The following STAG3 variants were observed in gnomAD, a reference collection of about 807,000 sequenced individuals.
The protein encoded by STAG3 is STAG3 cohesin complex component, also known as cohesin subunit SA-3.
STAG3 carries 101 observed loss-of-function variants against 160.7 expected under a neutral mutation model. The ratio of observed to expected loss-of-function variants is 0.63; its 90% CI spans 0.54 to 0.74. The LOEUF (loss-of-function observed/expected upper bound fraction) is 0.74, where lower values mean the gene tolerates loss of function less well. Among genes scored for constraint, STAG3 ranks in the 30% least tolerant of loss-of-function variants. The pLI, the probability that STAG3 is intolerant of heterozygous loss-of-function variation, is 0.00. For synonymous variants in STAG3, 519 were observed against 585.0 expected, an observed-to-expected ratio of 0.89 and a Z score of 1.63; for missense variants, 1,188 against 1,517.4, an observed-to-expected ratio of 0.78 and a Z score of 3.61.
At position 100,211,865 on chromosome 7, in the gene STAG3, G is replaced by A; in HGVS notation, c.3589G>A (p.Asp1197Asn). 6.2e-7 allele frequency: 1 copy of A among 1,614,064 alleles called. No individual in the cohort carries two copies. The highest frequency in any genetic ancestry group is 8.5e-7 in the Non-Finnish European group (1 of 1,180,012). The change falls in exon 32 of 34, where the codon GAT becomes AAT. Residue 1197 changes from aspartate to asparagine, a missense_variant. Coordinates refer to ENST00000615138, the MANE Select transcript of STAG3 (RefSeq NM_001282717.2). ...IQDESNEERQ[D>N]TDMQASSYSS... Reference sequence around the variant, plus strand: ...GGATGAGTCAAATGAAGAACGGCAGGATACAGACATGGTGAGTAGACCACC... The same window carrying A: ...GGATGAGTCAAATGAAGAACGGCAGAATACAGACATGGTGAGTAGACCACC...
intron 29 of STAG3, among the ~76,000 whole-genome samples, chr7:100,210,180 C>T (rs919424488): frequency 6.6e-6 from 1 of 152,180 alleles, no homozygotes; most frequent in African/African-American, 2.4e-5. Context: ...AAGGTTTCCT[C>T]TCTGGGAATC....
chr7:100,198,694 C>G, intron 13 of STAG3, 112 bp downstream of exon 13: 1 of 1,243,500 alleles, frequency 8.0e-7, no homozygotes, highest in Non-Finnish European at 1.2e-6. Flanking sequence ...TCCCTGGTGT[C>G]TCCTTTCTTC....
chr7:100,201,987 C>T lies in STAG3; in HGVS notation c.2340C>T (p.Phe780=). ...LSSLRDRMVA[F]CELCQSCLSD... ...GTTTGAGGGACAGAATGGTGGCCTTCTGTGAACTCTGCCAGAGTTGCCTCT... is the reference window on the plus strand; with the variant it reads ...GTTTGAGGGACAGAATGGTGGCCTTTTGTGAACTCTGCCAGAGTTGCCTCT... The change falls in exon 23 of 34, where the codon TTC becomes TTT. Residue 780 remains phenylalanine, a synonymous_variant. Transcript: ENST00000615138. 1 of 1,614,170 alleles carries T rather than the reference C, an allele frequency of 6.2e-7. No homozygotes were observed. The highest frequency in any genetic ancestry group is 1.7e-5 in the Admixed American group (1 of 60,014).
In STAG3 at chr7:100,211,020, A is replaced by G. The variant is rs774574747; in HGVS notation, c.3248A>G (p.Lys1083Arg). 1 of 1,613,318 alleles carries G rather than the reference A, an allele frequency of 6.2e-7. No individual in the cohort carries two copies. Among genetic ancestry groups the G allele is most frequent in the South Asian group, 1.1e-5 (1 of 90,990 alleles). The change falls in exon 30 of 34, where the codon AAG (lysine) becomes AGG (arginine). Residue 1083 changes from lysine (K) to arginine (R), a missense_variant. Coordinates refer to ENST00000615138, the MANE Select transcript of STAG3 (RefSeq NM_001282717.2). ...TGCATCTGCTTGGCAGGGCCTGCCA[A>G]GCCTAACAGAGAGGACGTCTCCTCG... ...SKRRRVEGPA[K>R]PNREDVSSSQ...
chr7:100,214,717 G>A (rs561894846), downstream of STAG3, among the ~76,000 whole-genome samples: 8 of 152,196 alleles, frequency 5.3e-5, no homozygotes, highest in East Asian at 3.9e-4. Context: ...CTTCACCCAC[G>A]GGTTCTTTCC....
intron 9 of STAG3, among the ~76,000 whole-genome samples, chr7:100,195,650 C>A (rs1800639101): frequency 6.6e-6 from 1 of 152,220 alleles, no homozygotes; most frequent in Non-Finnish European, 1.5e-5. Context: ...TGCCCCAGAT[C>A]TGCCCCAACT....
At chr7:100,196,273 T>A (rs1393185530) in intron 9 of STAG3, among the ~76,000 whole-genome samples, 1 of 152,036 alleles carries the variant, frequency 6.6e-6, no homozygotes, top group Admixed American at 6.6e-5. Context: ...TGGCCAACAG[T>A]TGAATTAACT....
rs572760400 is a variant in STAG3, at chr7:100,201,091, C to T, written c.2063C>T (p.Ser688Leu). The part of the protein sequence containing the change: ...FQQELEELLQ[S>L]SFLDEDEVYN... ...TTGTGGATCTTCTTTCCTTCTCAGT[C>T]GTCCTTCCTAGATGAGGATGAGGTA... The change falls in exon 20 of 34, where the codon TCG (serine) becomes TTG (leucine). Residue 688 changes from serine (S) to leucine (L), a missense_variant and splice_region_variant. This residue lies in a region of STAG3 where 647 missense variants were observed against 717.2 expected (regional missense o/e 0.90). Transcript: ENST00000615138. 14 of 1,614,126 alleles carry T rather than the reference C, an allele frequency of 8.7e-6. No homozygotes were observed. Among genetic ancestry groups the T allele is most frequent in the East Asian group, 4.5e-5 (2 of 44,890 alleles).
chr7:100,188,713 A>G, intron 6 of STAG3, 99 bp from the exon 7 acceptor site: 2 of 1,283,006 alleles, frequency 1.6e-6, no homozygotes, highest in Non-Finnish European at 2.2e-6. Flanking sequence ...GAGGTATAAC[A>G]GATATTTTTA....
At chr7:100,209,727 C>T (rs1252242818) in intron 29 of STAG3, among the ~76,000 whole-genome samples, 5 of 152,132 alleles carry the variant, frequency 3.3e-5, no homozygotes, top group African/African-American at 7.2e-5. Context: ...TGCCGAGAAA[C>T]GGCCAGATTC....
intron 25 of STAG3, 67 bp downstream of exon 25, chr7:100,202,657 A>AT: frequency 6.4e-7 from 1 of 1,563,614 alleles, no homozygotes; most frequent in Non-Finnish European, 8.7e-7. Context: ...ACTTGGAAAC[A>AT]TAATAGCACT....
At chr7:100,200,621 A>G (rs953835742) in intron 18 of STAG3, 79 bp downstream of exon 18, 9 of 1,556,194 alleles carry the variant, frequency 5.8e-6, no homozygotes, top group Non-Finnish European at 6.1e-6. Context: ...TTTTTTTCCT[A>G]AGAACTTGGG....
intron 24 of STAG3, 30 bp from the exon 25 acceptor site, chr7:100,202,424 T>C: frequency 6.2e-7 from 1 of 1,610,848 alleles, no homozygotes; most frequent in Non-Finnish European, 8.5e-7. Context: ...CTTAAGTCTG[T>C]GATTCCCTTT....
intron 25 of STAG3, 22 bp downstream of exon 25, chr7:100,202,612 A>G (rs1412375782): frequency 1.2e-6 from 2 of 1,604,242 alleles, no homozygotes; most frequent in East Asian, 2.2e-5. Context: ...CCCTACAGAA[A>G]TAAAAGAGAA....
intron 10 of STAG3, 185 bp downstream of exon 10, chr7:100,197,464 C>T: frequency 1.2e-6 from 1 of 851,506 alleles, no homozygotes; most frequent in Non-Finnish European, 1.9e-6. Flanking sequence ...GAGAGACATA[C>T]CCAGGAGATG....
downstream of STAG3, among the ~76,000 whole-genome samples, chr7:100,215,463 ATCTT>A (rs1231759234): frequency 3.2e-4 from 48 of 152,266 alleles, no homozygotes; most frequent in African/African-American, 1.0e-3. Flanking sequence ...TCATTGAGCG[ATCTT>A]TCGCCTGTAT....
At chr7:100,189,089 T>A in intron 7 of STAG3, 73 bp downstream of exon 7, 2 of 1,525,550 alleles carry the variant, frequency 1.3e-6, no homozygotes, top group Non-Finnish European at 1.8e-6. Flanking sequence ...TGATTCAGGA[T>A]CTTCTTTCCT....
chr7:100,203,834 C>T (rs945397377), intron 25 of STAG3, among the ~76,000 whole-genome samples, 187 bp from the exon 26 acceptor site: 12 of 152,130 alleles, frequency 7.9e-5, no homozygotes, highest in Admixed American at 7.9e-4. Context: ...TTTACCGAAA[C>T]TCTGATTTAT....
At chr7:100,177,756 G>A (rs1364478135), upstream of STAG3, 1 of 152,728 alleles carries the variant, frequency 6.5e-6, no homozygotes, top group Non-Finnish European at 1.5e-5. Flanking sequence ...CCACGTGAGA[G>A]GGCAGGACGC....
Sources: gnomAD v4.1 joint callset for allele counts (sites outside exome capture counted in the v4.1 genomes callset) on GRCh38, gnomAD v4.1.1 for gene constraint, gnomAD v4.1.1 regional missense constraint, MANE v1.5 for transcripts, NCBI Gene and HGNC (gene_info 2026-07-23, HGNC 2026-07-21) for gene names.